The following EYA4 variants were observed in gnomAD, a reference collection of about 807,000 sequenced individuals.
EYA4 encodes the protein protein phosphatase EYA4.
A neutral mutation model predicts 87.9 loss-of-function variants in EYA4; 31 were observed. The ratio of observed to expected loss-of-function variants is 0.35; its 90% CI spans 0.27 to 0.48. EYA4 has a LOEUF of 0.48. Ranked by LOEUF, EYA4 falls within the 20% of genes least tolerant of loss-of-function variation. The pLI, the probability that EYA4 is intolerant of heterozygous loss-of-function variation, is 0.99. For synonymous variants in EYA4, 263 were observed against 270.6 expected (o/e 0.97, Z 0.28); for missense variants, 678 against 761.4 (o/e 0.89, Z 1.29).
intron 2 of EYA4, among the ~76,000 whole-genome samples, chr6:133,316,341 T>C (rs1780619504): frequency 6.6e-6 from 1 of 152,104 alleles, no homozygotes; most frequent in African/African-American, 2.4e-5. Flanking sequence ...ATAATTACAG[T>C]CCCCAAGGTA....
chr6:133,522,818 T>C (rs1281183943), intron 17 of EYA4, among the ~76,000 whole-genome samples: 1 of 152,180 alleles, frequency 6.6e-6, no homozygotes, highest in Non-Finnish European at 1.5e-5. Context: ...TTTAATAGCA[T>C]ATTGTTTTGA....
chr6:133,281,441 G>C (rs967950679), intron 2 of EYA4, among the ~76,000 whole-genome samples: 1 of 152,154 alleles, frequency 6.6e-6, no homozygotes. Flanking sequence ...ATGTAAGCGA[G>C]AACATGTGAT....
intron 1 of EYA4, among the ~76,000 whole-genome samples, chr6:133,257,959 T>G (rs2128239003): frequency 6.6e-6 from 1 of 152,332 alleles, no homozygotes; most frequent in East Asian, 1.9e-4. Flanking sequence ...ACAGTCTTGA[T>G]TTAGGGACTA....
chr6:133,411,527 A>T (rs1789231321), intron 3 of EYA4, among the ~76,000 whole-genome samples: 1 of 152,064 alleles, frequency 6.6e-6, no homozygotes, highest in Non-Finnish European at 1.5e-5. Flanking sequence ...TTAATTTTCC[A>T]TATATGTGTG....
chr6:133,461,012 C>G (rs1794334338), intron 6 of EYA4, 102 bp from the exon 7 acceptor site: 1 of 820,620 alleles, frequency 1.2e-6, no homozygotes, highest in African/African-American at 1.7e-5. Flanking sequence ...TTTCTGGAAA[C>G]ATGTATTTAA....
At chr6:133,287,679 A>C (rs1185762968) in intron 2 of EYA4, among the ~76,000 whole-genome samples, 1 of 152,232 alleles carries the variant, frequency 6.6e-6, no homozygotes, top group Non-Finnish European at 1.5e-5. Flanking sequence ...CCTGGACATA[A>C]TGGAAAATTA....
At chr6:133,470,871 C>A (rs1795276095) in intron 11 of EYA4, among the ~76,000 whole-genome samples, 1 of 89,072 alleles carries the variant, frequency 1.1e-5, no homozygotes, top group Non-Finnish European at 2.3e-5. Flanking sequence ...TGGGAGTTCA[C>A]CCATGATTTG....
intron 13 of EYA4, among the ~76,000 whole-genome samples, chr6:133,493,038 A>G (rs949104988): frequency 5.9e-5 from 9 of 152,226 alleles, no homozygotes; most frequent in Admixed American, 3.3e-4. Context: ...GAAGCAATCT[A>G]TCAATTCAAT....
intron 2 of EYA4, among the ~76,000 whole-genome samples, chr6:133,290,296 A>G (rs1303808094): frequency 6.6e-6 from 1 of 152,110 alleles, no homozygotes; most frequent in Admixed American, 6.6e-5. Flanking sequence ...TTAGAAAAAT[A>G]CCTTATTTAT....
chr6:133,371,878 A>T (rs370275695), intron 2 of EYA4, among the ~76,000 whole-genome samples: 2 of 152,156 alleles, frequency 1.3e-5, no homozygotes, highest in East Asian at 3.8e-4. Context: ...AGCCATTTTA[A>T]TTGAGGTCAA....
At chr6:133,514,541 A>C (rs1346434054) in intron 16 of EYA4, among the ~76,000 whole-genome samples, 1 of 152,158 alleles carries the variant, frequency 6.6e-6, no homozygotes, top group African/African-American at 2.4e-5. Context: ...AGAAACTGTA[A>C]ATTTTGATTG....
intron 3 of EYA4, among the ~76,000 whole-genome samples, chr6:133,416,511 A>G (rs958909476): frequency 1.7e-4 from 26 of 152,242 alleles, no homozygotes; most frequent in African/African-American, 5.3e-4. Flanking sequence ...CCCATTTTCC[A>G]TGAGGAGGTT....
At chr6:133,395,837 G>A (rs555008146) in intron 3 of EYA4, among the ~76,000 whole-genome samples, 125 of 152,228 alleles carry the variant, frequency 8.2e-4, no homozygotes, top group African/African-American at 2.9e-3. Context: ...CTTACCCCAT[G>A]TAGAGTCCCA....
chr6:133,382,275 TG>T (rs1442029672), intron 2 of EYA4, 116 bp from the exon 3 acceptor site: 6 of 783,440 alleles, frequency 7.7e-6, no homozygotes, highest in Admixed American at 3.4e-5. Context: ...CTGTAAAGTG[TG>T]GGGGGTATTT....
chr6:133,290,020 G>A lies in EYA4; in HGVS notation c.33+15207G>A, dbSNP rs534983352. On this transcript the variant is annotated intron_variant, in intron 2 of 19. Transcript: ENST00000355286. The stretch of plus-strand genomic sequence containing the variant: ...CTGTTGTGGTTGACACACGTGGACA[G>A]TAGATTATAACTAGATTCTGAGCCC... Among the ~76,000 whole-genome samples the A allele has an allele frequency of 7.9e-5, 12 of 152,306 alleles. No individual in the cohort carries two copies. The South Asian group carries it at 2.5e-3, about 32-fold the overall frequency.
chr6:133,510,613 G>T, intron 14 of EYA4: 1 of 244,830 alleles, frequency 4.1e-6, no homozygotes, highest in South Asian at 4.8e-5. Context: ...TGCCTCCTTT[G>T]GTTACAGTTT....
intron 2 of EYA4, among the ~76,000 whole-genome samples, chr6:133,291,357 G>T (rs1440809023): frequency 6.6e-6 from 1 of 152,116 alleles, no homozygotes; most frequent in East Asian, 1.9e-4. Context: ...GCTAACTCTT[G>T]TCTGAATAGC....
In EYA4 at chr6:133,448,171, C is replaced by T. The variant is rs1793047612; in HGVS notation, c.269C>T (p.Ser90Phe). Residue 90 changes from serine (S) to phenylalanine (F), a missense_variant, in exon 5 of 20, where the codon TCT becomes TTT. Physicochemically the swap from Ser to Phe is radical, Grantham distance 155 (BLOSUM62 -2). Transcript: ENST00000355286. ...TTGCTGAGTTGCAACACCCCCTCTT[C>T]TGCAACAAGTATGAGAGATGCTGGT... ...DWLLSCNTPS[S>F]ATMSLLAVKT... 6.2e-7 allele frequency: 1 copy of T among 1,612,278 alleles called. No homozygotes were observed. The highest frequency in any genetic ancestry group is 8.5e-7 in the Non-Finnish European group (1 of 1,178,426).
chr6:133,354,833 G>C (rs1051499555), intron 2 of EYA4, among the ~76,000 whole-genome samples: 3 of 152,296 alleles, frequency 2.0e-5, no homozygotes, highest in Middle Eastern at 3.4e-3. Context: ...TTCAGCTTCT[G>C]TTTAACCAGG....
Sources: allele counts gnomAD v4.1 joint callset (sites outside exome capture counted in the v4.1 genomes callset), GRCh38; gene constraint gnomAD v4.1.1; transcripts MANE v1.5; gene names NCBI Gene and HGNC (gene_info 2026-07-23, HGNC 2026-07-21).